Variants in DYRK1A observed in about 807,000 individuals in gnomAD.
DYRK1A encodes the protein dual specificity tyrosine phosphorylation regulated kinase 1A, also known as dual specificity tyrosine-phosphorylation-regulated kinase 1A.
A neutral mutation model predicts 79.7 loss-of-function variants in DYRK1A; 9 were observed. The observed-to-expected ratio is 0.11, with a 90% CI of 0.07 to 0.20. The LOEUF is 0.20. Among genes scored for constraint, DYRK1A ranks in the 10% least tolerant of loss-of-function variants. The pLI, the probability that DYRK1A is intolerant of heterozygous loss-of-function variation, is 1.00. For missense variants in DYRK1A, 622 were observed against 956.0 expected, an observed-to-expected ratio of 0.65 and a Z score of 4.61; for synonymous variants, 349 against 329.7, an observed-to-expected ratio of 1.06 and a Z score of -0.63.
chr21:37,375,441 C>T (rs960931693), intron 1 of DYRK1A, among the ~76,000 whole-genome samples: 1 of 148,978 alleles, frequency 6.7e-6, no homozygotes, highest in Non-Finnish European at 1.5e-5. Flanking sequence ...TGTTGGAATT[C>T]ATTTCATTAG....
chr21:37,450,556 C>T (rs11911857), intron 2 of DYRK1A, among the ~76,000 whole-genome samples: 11,113 of 152,178 alleles, frequency 0.073, 1,371 homozygotes, highest in African/African-American at 0.25. Context: ...AAAGAATTAT[C>T]ACACCCTTGC....
At chr21:37,421,392 A>G (rs1454181612) in intron 2 of DYRK1A, among the ~76,000 whole-genome samples, 2 of 152,114 alleles carry the variant, frequency 1.3e-5, no homozygotes, top group Admixed American at 6.6e-5. Context: ...GTTTCGGTGT[A>G]CTATTTTGTA....
chr21:37,489,837 T>C (rs2053016398), intron 6 of DYRK1A, among the ~76,000 whole-genome samples: 1 of 152,172 alleles, frequency 6.6e-6, no homozygotes, highest in African/African-American at 2.4e-5. Context: ...CTTTCTTTTA[T>C]AAATGAAGAT....
At chr21:37,373,729 TG>T (rs1233605709) in intron 1 of DYRK1A, among the ~76,000 whole-genome samples, 2 of 152,218 alleles carry the variant, frequency 1.3e-5, no homozygotes, top group Admixed American at 1.3e-4. Flanking sequence ...CATACCCTAT[TG>T]GTCATAACTT....
At chr21:37,468,255 G>A (rs572279416) in intron 2 of DYRK1A, among the ~76,000 whole-genome samples, 7 of 151,974 alleles carry the variant, frequency 4.6e-5, no homozygotes, top group Non-Finnish European at 7.4e-5. Context: ...GGAACTACAG[G>A]TGTGCGTCAC....
intron 2 of DYRK1A, among the ~76,000 whole-genome samples, chr21:37,424,164 G>C (rs1419527227): frequency 6.6e-6 from 1 of 152,060 alleles, no homozygotes; most frequent in Admixed American, 6.6e-5. Context: ...AATTGTTGTC[G>C]TGGTCGTGTG....
At chr21:37,374,548 T>A (rs2049498874) in intron 1 of DYRK1A, among the ~76,000 whole-genome samples, 1 of 151,740 alleles carries the variant, frequency 6.6e-6, no homozygotes, top group African/African-American at 2.4e-5. Context: ...AGTGATGCTC[T>A]GGAATCTGCT....
In DYRK1A at chr21:37,486,715, G is replaced by A. The variant is rs545100824; in HGVS notation, c.637+101G>A. The stretch of plus-strand genomic sequence containing the variant: ...AATATTTTGATTTTATTTTAAAGTG[G>A]CTGATTAAAAATTTGTTTATTTCTG... On this transcript the variant is annotated intron_variant, in intron 6 of 11. Transcript: ENST00000647188. 9 of 1,217,406 alleles carry A rather than the reference G, an allele frequency of 7.4e-6. No individual in the cohort carries two copies. The East Asian group carries it at 1.2e-4, about 17-fold the overall frequency. 75.4% of individuals were successfully genotyped at this position (1,217,406 alleles called of 1,614,324 possible). A position where few individuals can be genotyped will look rare whatever the true frequency, so the allele number is the denominator to read the frequency against.
At chr21:37,451,633 G>A (rs1200658108) in intron 2 of DYRK1A, among the ~76,000 whole-genome samples, 4 of 151,270 alleles carry the variant, frequency 2.6e-5, no homozygotes, top group Admixed American at 1.3e-4. Context: ...ACCGTCTAGC[G>A]TGGGCGTGCA....
At chr21:37,372,990 C>T (rs2049463146) in intron 1 of DYRK1A, among the ~76,000 whole-genome samples, 1 of 151,970 alleles carries the variant, frequency 6.6e-6, no homozygotes, top group Non-Finnish European at 1.5e-5. Flanking sequence ...TTAATTTCTC[C>T]ATTAAATTTT....
chr21:37,385,373 C>G (rs985970683), intron 1 of DYRK1A, among the ~76,000 whole-genome samples: 1 of 152,178 alleles, frequency 6.6e-6, no homozygotes, highest in Non-Finnish European at 1.5e-5. Context: ...AAGATCTCTT[C>G]TAAGCTCATA....
intron 1 of DYRK1A, among the ~76,000 whole-genome samples, chr21:37,412,807 G>A (rs1569301154): frequency 6.6e-6 from 1 of 152,160 alleles, no homozygotes; most frequent in Admixed American, 6.6e-5. Flanking sequence ...GTGATGAGGA[G>A]TTGTAGGCAT....
chr21:37,390,854 G>C (rs896383699), intron 1 of DYRK1A, among the ~76,000 whole-genome samples: 4 of 152,220 alleles, frequency 2.6e-5, no homozygotes, highest in Admixed American at 2.6e-4. Context: ...ACAGGCGTGA[G>C]CCACCACGCC....
intron 1 of DYRK1A, among the ~76,000 whole-genome samples, chr21:37,386,730 AG>A (rs1214271507): frequency 1.3e-5 from 2 of 152,186 alleles, no homozygotes; most frequent in Non-Finnish European, 2.9e-5. Context: ...TTGATTTGGT[AG>A]CACAGTGATG....
intron 2 of DYRK1A, among the ~76,000 whole-genome samples, chr21:37,423,882 A>G (rs1054426712): frequency 2.0e-5 from 3 of 152,162 alleles, no homozygotes; most frequent in Admixed American, 1.3e-4. Flanking sequence ...ATACTCATAT[A>G]TATGAATTTA....
At chr21:37,367,837 C>T (rs1205032559) in intron 1 of DYRK1A, among the ~76,000 whole-genome samples, 1 of 150,896 alleles carries the variant, frequency 6.6e-6, no homozygotes, top group Admixed American at 6.6e-5. Flanking sequence ...GGGAAAGTTG[C>T]GGAGGGTGGG....
chr21:37,474,298 C>T (rs903315194), intron 3 of DYRK1A, among the ~76,000 whole-genome samples: 2 of 152,086 alleles, frequency 1.3e-5, no homozygotes, highest in South Asian at 2.1e-4. Context: ...ATCCAACTAA[C>T]GTCTTATGTG....
Position 37,446,413 on chromosome 21 carries a change from T to C in DYRK1A, c.10+26029T>C, listed in dbSNP as rs1014423252. On this transcript the variant is annotated intron_variant, in intron 2 of 11. Coordinates refer to ENST00000647188, the MANE Select transcript of DYRK1A (RefSeq NM_001347721.2). ...AGTTGCATTTTCAAGAAATTCAAAA[T>C]GAAAATGGCCTACTAAGGTCTGTGG... 6.7e-5 allele frequency among the ~76,000 whole-genome samples: 10 copies of C among 149,526 alleles called. No homozygotes were observed. In the East Asian group the frequency reaches 1.7e-3, roughly 26 times the overall value.
At chr21:37,489,259 T>C (rs2052989120) in intron 6 of DYRK1A, among the ~76,000 whole-genome samples, 1 of 152,184 alleles carries the variant, frequency 6.6e-6, no homozygotes, top group South Asian at 2.1e-4. Context: ...GGGTGTTTTA[T>C]GTCATTGCAG....
Sources: gnomAD v4.1 joint callset for allele counts (sites outside exome capture counted in the v4.1 genomes callset) on GRCh38, gnomAD v4.1.1 for gene constraint, MANE v1.5 for transcripts, NCBI Gene and HGNC (gene_info 2026-07-23, HGNC 2026-07-21) for gene names.